The following ATRX variants were observed in gnomAD, a reference collection of about 807,000 sequenced individuals.
The protein encoded by ATRX is chromatin remodeler ATRX.
Under a neutral mutation model 172.6 loss-of-function variants are expected in ATRX, and 12 were observed. The observed-to-expected ratio is 0.07, with a 90% CI of 0.04 to 0.11. The LOEUF (loss-of-function observed/expected upper bound fraction) is 0.11, where lower values mean the gene tolerates loss of function less well. Among genes scored for constraint, ATRX ranks in the 10% least tolerant of loss-of-function variants. The pLI, the probability that ATRX is intolerant of heterozygous loss-of-function variation, is 1.00. For missense variants in ATRX, 1,368 were observed against 1,767.4 expected, an observed-to-expected ratio of 0.77 and a Z score of 4.05; for synonymous variants, 674 against 594.7, an observed-to-expected ratio of 1.13 and a Z score of -1.94.
chrX:77,738,923 A>G (rs951630360), intron 1 of ATRX, among the ~76,000 whole-genome samples: 1 of 111,498 alleles, frequency 9.0e-6, no homozygotes, highest in South Asian at 3.7e-4. Context: ...CAGGTAATAC[A>G]GCATACTTTT....
At chrX:77,531,047 T>C (rs1557046220) in intron 30 of ATRX, among the ~76,000 whole-genome samples, 1 of 111,559 alleles carries the variant, frequency 9.0e-6, no homozygotes, top group African/African-American at 3.3e-5. Flanking sequence ...AAACAGACAA[T>C]TTCCTGGACA....
rs369248770 is a variant in ATRX at position 77,637,696 on chromosome X, C to G, written c.4558-1640G>C. ...GTGGCTCACTCCTATAATCCTAACA[C>G]TTTGGTAGGCTGAGGGGGATGGATC... On this transcript the variant is annotated intron_variant, in intron 15 of 34. Coordinates refer to ENST00000373344, the MANE Select transcript of ATRX (RefSeq NM_000489.6). 4.0e-4 allele frequency among the ~76,000 whole-genome samples: 44 copies of G among 110,208 alleles called. No individual in the cohort carries two copies. In the East Asian group the frequency reaches 0.011, roughly 27 times the overall value.
intron 5 of ATRX, among the ~76,000 whole-genome samples, chrX:77,695,661 CTCT>C (rs1394541258): frequency 9.0e-6 from 1 of 111,638 alleles, no homozygotes; most frequent in African/African-American, 3.2e-5. Flanking sequence ...GCCCCTATCT[CTCT>C]TCTTTCATTA....
chrX:77,534,465 G>A (rs1557047719), intron 30 of ATRX, among the ~76,000 whole-genome samples: 1 of 111,816 alleles, frequency 8.9e-6, no homozygotes. Context: ...AACACAACTG[G>A]TGGAAAGGTT....
chrX:77,740,113 A>T (rs1411387940), intron 1 of ATRX, among the ~76,000 whole-genome samples: 1 of 106,854 alleles, frequency 9.4e-6, no homozygotes, highest in Non-Finnish European at 1.9e-5. Flanking sequence ...CTCACCAGGC[A>T]GCTATAATAT....
At chrX:77,558,586 G>A (rs782695822) in intron 29 of ATRX, 83 bp downstream of exon 29, 10 of 889,816 alleles carry the variant, frequency 1.1e-5, no homozygotes, top group Non-Finnish European at 1.3e-5. Context: ...TTCCCTCTCT[G>A]TAATACACAT....
At chrX:77,650,141 C>T (rs188220020) in intron 15 of ATRX, among the ~76,000 whole-genome samples, 2 of 111,852 alleles carry the variant, frequency 1.8e-5, no homozygotes, top group Admixed American at 1.9e-4. Context: ...CAACGTAATA[C>T]TATGTGGAAA....
At chrX:77,603,536 T>TTC (rs1339120293) in intron 22 of ATRX, among the ~76,000 whole-genome samples, 1 of 107,452 alleles carries the variant, frequency 9.3e-6, no homozygotes, top group Non-Finnish European at 1.9e-5. Flanking sequence ...CGGCTAATTT[T>TTC]TTTTTTTTTT....
intron 12 of ATRX, among the ~76,000 whole-genome samples, chrX:77,656,941 A>C (rs1344566707): frequency 2.7e-5 from 3 of 112,203 alleles, no homozygotes; most frequent in Non-Finnish European, 5.6e-5. Context: ...TGTCAATAAA[A>C]TATATGTAAT....
chrX:77,622,743 A>AGAC (rs781957393), intron 19 of ATRX, among the ~76,000 whole-genome samples: 2 of 111,007 alleles, frequency 1.8e-5, no homozygotes, highest in Non-Finnish European at 1.9e-5. Context: ...TTTTCAAGCC[A>AGAC]GACTCAAACA....
rs371962239 is a variant in ATRX at position 77,682,277 on chromosome X, C to A, written c.2979G>T (p.Lys993Asn). 1.7e-6 allele frequency: 2 copies of A among 1,197,556 alleles called. No individual in the cohort carries two copies. Among genetic ancestry groups the A allele is most frequent in the African/African-American group, 3.6e-5 (2 of 56,092 alleles). The change falls in exon 9 of 35, where the codon AAG (lysine) becomes AAT (asparagine). Residue 993 changes from lysine to asparagine, a missense_variant. Lys to Asn is a moderately conservative substitution (Grantham distance 94, BLOSUM62 0). Transcript: ENST00000373344. ...CTTTTTTCTTAAAGTCTGAAGGTTT[C>A]TTTTTTTCTTCAGTTCCCTTTTTGC... is the stretch of plus-strand genomic sequence containing the variant. ...KQSKKGTEEK[K>N]KPSDFKKKVI... is the part of the protein sequence containing the mutation.
At chrX:77,610,742 C>T (rs2067118326) in intron 22 of ATRX, among the ~76,000 whole-genome samples, 2 of 109,130 alleles carry the variant, frequency 1.8e-5, no homozygotes, top group African/African-American at 6.7e-5. Context: ...AATATTAACA[C>T]ACAATATTCT....
rs1557033006 is a variant in ATRX, at chrX:77,506,420, TA to T, written c.*1930del. 2 of 173,136 alleles carry T rather than the reference TA, an allele frequency of 1.2e-5. No individual in the cohort carries two copies. The highest frequency in any genetic ancestry group is 5.9e-5 in the African/African-American group (2 of 33,877). The allele number at this position is 173,136 out of a possible 1,213,427, so 14.3% of individuals were successfully genotyped here. ...GGTGAAAAAGATTTAGAAGGTTGCC[TA>T]AAATTTTCACATCTATGTCTTTGAG... On this transcript the variant is annotated 3_prime_UTR_variant, in exon 35 of 35. Coordinates refer to ENST00000373344, the MANE Select transcript of ATRX (RefSeq NM_000489.6).
intron 1 of ATRX, among the ~76,000 whole-genome samples, chrX:77,745,920 T>A (rs1354490832): frequency 1.8e-5 from 2 of 110,762 alleles, no homozygotes; most frequent in Non-Finnish European, 3.8e-5. Context: ...TACACACAAA[T>A]TTTTTTTTAT....
At chrX:77,740,265 C>G (rs1292966981) in intron 1 of ATRX, among the ~76,000 whole-genome samples, 1 of 109,344 alleles carries the variant, frequency 9.1e-6, no homozygotes. Context: ...AAGACAGATA[C>G]AGAATATCAC....
chrX:77,549,759 G>A (rs1171622770), intron 30 of ATRX, among the ~76,000 whole-genome samples: 1 of 111,850 alleles, frequency 8.9e-6, no homozygotes, highest in Non-Finnish European at 1.9e-5. Flanking sequence ...AGGTTCACAG[G>A]ACGTCAAGGC....
intron 22 of ATRX, among the ~76,000 whole-genome samples, chrX:77,607,530 A>G (rs1557091407): frequency 1.8e-5 from 2 of 110,214 alleles, no homozygotes; most frequent in East Asian, 5.7e-4. Flanking sequence ...GCTGGCCAAC[A>G]TGACAAAACC....
chrX:77,632,236 TTAA>T (rs2068141201), intron 19 of ATRX, among the ~76,000 whole-genome samples: 1 of 789 alleles, frequency 1.3e-3, no homozygotes, highest in Non-Finnish European at 4.1e-3. Context: ...GTTAGAAGCT[TTAA>T]TTTTTTTTTT....
intron 9 of ATRX, among the ~76,000 whole-genome samples, chrX:77,678,587 A>G (rs1253665977): frequency 9.0e-6 from 1 of 111,484 alleles, no homozygotes; most frequent in South Asian, 3.8e-4. Context: ...CCTGGGTTCA[A>G]GCGATTCTCC....
Sources: allele counts gnomAD v4.1 joint callset (sites outside exome capture counted in the v4.1 genomes callset), GRCh38; gene constraint gnomAD v4.1.1; transcripts MANE v1.5; gene names NCBI Gene and HGNC (gene_info 2026-07-23, HGNC 2026-07-21).